The following KIF13B variants were observed in gnomAD, a reference collection of about 807,000 sequenced individuals.
KIF13B encodes kinesin-like protein KIF13B.
Under a neutral mutation model 222.0 loss-of-function variants are expected in KIF13B, and 127 were observed. The ratio of observed to expected loss-of-function variants is 0.57; its 90% CI spans 0.50 to 0.66. The LOEUF (loss-of-function observed/expected upper bound fraction) is 0.66. Among genes scored for constraint, KIF13B ranks in the 30% least tolerant of loss-of-function variants. The probability of loss-of-function intolerance (pLI) is 0.00; values close to 1 mark genes in which losing one functional copy is unlikely to be tolerated. For missense variants in KIF13B, 2,173 were observed against 2,379.0 expected, an observed-to-expected ratio of 0.91 and a Z score of 1.80; for synonymous variants, 976 against 919.0, an observed-to-expected ratio of 1.06 and a Z score of -1.12.
chr8:29,134,311 TATG>T, intron 21 of KIF13B, 101 bp from the exon 22 acceptor site: 1 of 1,069,808 alleles, frequency 9.3e-7, no homozygotes, highest in Non-Finnish European at 1.4e-6. Context: ...CTTAGGTGCT[TATG>T]ATATTTATGT....
At chr8:29,140,647 A>AG in intron 19 of KIF13B, 30 bp from the exon 20 acceptor site, 2 of 1,593,284 alleles carry the variant, frequency 1.3e-6, no homozygotes, top group South Asian at 2.3e-5. Context: ...ACACAACTTC[A>AG]GAAAAACCAT....
At chr8:29,104,443 G>A (rs1808951485) in intron 35 of KIF13B, among the ~76,000 whole-genome samples, 2 of 151,908 alleles carry the variant, frequency 1.3e-5, no homozygotes, top group Non-Finnish European at 2.9e-5. Context: ...TCCCCTAACC[G>A]GTCCCTCCAC....
At position 29,167,472 on chromosome 8, in the gene KIF13B, A is replaced by C; in HGVS notation, c.1059T>G (p.Ile353Met). The change falls in exon 11 of 40, where the codon ATT (isoleucine) becomes ATG (methionine). Residue 353 changes from isoleucine to methionine, a missense_variant. Ile to Met is a conservative substitution (Grantham distance 10). Coordinates refer to ENST00000524189, the MANE Select transcript of KIF13B (RefSeq NM_015254.4). ...CCTCATTCACCACAGCGTGGTTTACAATGTGCTTGGCTCGATCTGCATACC... is the reference window on the plus strand; with the variant it reads ...CCTCATTCACCACAGCGTGGTTTACCATGTGCTTGGCTCGATCTGCATACC... The part of the protein sequence containing the change: ...TLRYADRAKH[I>M]VNHAVVNEDP... 6.2e-7 allele frequency: 1 copy of C among 1,613,934 alleles called. No individual in the cohort carries two copies. The highest frequency in any genetic ancestry group is 8.5e-7 in the Non-Finnish European group (1 of 1,179,838).
At chr8:29,200,334 A>G (rs1284196412) in intron 2 of KIF13B, among the ~76,000 whole-genome samples, 1 of 152,234 alleles carries the variant, frequency 6.6e-6, no homozygotes, top group African/African-American at 2.4e-5. Flanking sequence ...AGAAACCTCA[A>G]CTATCCAGAT....
chr8:29,258,962 C>T (rs533680183), intron 1 of KIF13B, among the ~76,000 whole-genome samples: 2 of 152,250 alleles, frequency 1.3e-5, no homozygotes, highest in Admixed American at 6.5e-5. Context: ...CCTAAGAAAA[C>T]TTTTAGGAAG....
At chr8:29,160,391 C>T (rs1018220761) in intron 13 of KIF13B, among the ~76,000 whole-genome samples, 1 of 152,152 alleles carries the variant, frequency 6.6e-6, no homozygotes, top group African/African-American at 2.4e-5. Context: ...ATGTGCTTCA[C>T]ATAAACCATA....
Position 29,167,440 on chromosome 8 carries a change from T to C in KIF13B, c.1091A>G (p.Asn364Ser). The C allele has an allele frequency of 6.2e-7, 1 of 1,613,892 alleles. No individual in the cohort carries two copies. The highest frequency in any genetic ancestry group is 1.1e-5 in the South Asian group (1 of 91,070). ...CCGGAGATCCCGGATAATTCGGGCA[T>C]TAGGGTCCTCATTCACCACAGCGTG... is the stretch of plus-strand genomic sequence containing the variant. ...VNHAVVNEDP[N>S]ARIIRDLREE... The change falls in exon 11 of 40, where the codon AAT (asparagine) becomes AGT (serine). Residue 364 changes from asparagine (N) to serine (S), a missense_variant. By Grantham distance (46) the Asn-to-Ser change is conservative. Transcript: ENST00000524189.
At chr8:29,108,108 A>C in intron 35 of KIF13B, 31 bp downstream of exon 35, 1 of 1,580,276 alleles carries the variant, frequency 6.3e-7, no homozygotes, top group Admixed American at 1.8e-5. Context: ...ATGGGACTTA[A>C]AACACTGATA....
intron 13 of KIF13B, among the ~76,000 whole-genome samples, chr8:29,159,913 CAT>C (rs974801459): frequency 1.8e-4 from 27 of 152,362 alleles, no homozygotes; most frequent in African/African-American, 6.5e-4. Context: ...CTGTTTCCCA[CAT>C]AGTCAGCCTG....
chr8:29,250,485 C>CA (rs945309336), intron 1 of KIF13B, among the ~76,000 whole-genome samples: 72 of 152,172 alleles, frequency 4.7e-4, no homozygotes, highest in African/African-American at 1.4e-3. Context: ...CAAAATAATA[C>CA]AAAAAAATCA....
chr8:29,098,682 T>C (rs1354147373), intron 36 of KIF13B, among the ~76,000 whole-genome samples: 1 of 149,562 alleles, frequency 6.7e-6, no homozygotes, highest in African/African-American at 2.5e-5. Context: ...ATCATGTAAC[T>C]ACGGAATTTC....
chr8:29,205,363 A>G (rs1435541124), intron 2 of KIF13B, among the ~76,000 whole-genome samples: 3 of 152,214 alleles, frequency 2.0e-5, no homozygotes, highest in Non-Finnish European at 2.9e-5. Context: ...AGCAACAGGT[A>G]GATCTGAACA....
At chr8:29,075,632 C>T (rs1807522363) in intron 37 of KIF13B, among the ~76,000 whole-genome samples, 1 of 152,220 alleles carries the variant, frequency 6.6e-6, no homozygotes, top group African/African-American at 2.4e-5. Flanking sequence ...GAACCGAGGA[C>T]TGGGCCTGTA....
intron 37 of KIF13B, among the ~76,000 whole-genome samples, chr8:29,089,120 T>C (rs558374236): frequency 6.6e-5 from 10 of 152,306 alleles, no homozygotes; most frequent in Admixed American, 5.9e-4. Context: ...TGTCTACCAC[T>C]GAGTAGCACT....
chr8:29,197,269 G>A (rs973614093), intron 2 of KIF13B, among the ~76,000 whole-genome samples: 6 of 146,104 alleles, frequency 4.1e-5, no homozygotes, highest in African/African-American at 1.3e-4. Flanking sequence ...CCCGGGAGGC[G>A]GAGCTTGCAG....
Position 29,216,543 on chromosome 8 carries a change from G to A in KIF13B, c.150-20344C>T, listed in dbSNP as rs192772294. ...GAACCTGGGAGTAAAAGGTTGCAGT[G>A]AGCCGAGATCCTGCCACTGTACTCC... On this transcript the variant is annotated intron_variant, in intron 2 of 39. Transcript: ENST00000524189. 3.2e-3 allele frequency among the ~76,000 whole-genome samples: 488 copies of A among 152,124 alleles called. 3 individuals are homozygous for A. Among genetic ancestry groups the A allele is most frequent in the African/African-American group, 0.011 (469 of 41,494 alleles).
intron 36 of KIF13B, among the ~76,000 whole-genome samples, chr8:29,097,703 T>C (rs900946415): frequency 6.6e-6 from 1 of 151,934 alleles, no homozygotes; most frequent in African/African-American, 2.4e-5. Context: ...TACCAAAATA[T>C]GTGAAATGCA....
chr8:29,228,472 A>AAAAAAAAAAACAATATAT, intron 2 of KIF13B, among the ~76,000 whole-genome samples: 1 of 117,086 alleles, frequency 8.5e-6, no homozygotes, highest in African/African-American at 3.3e-5. Context: ...ATCTTAAAAA[A>AAAAAAAAAAACAATATAT]ATATATATAT....
At chr8:29,217,940 T>C (rs1418728667) in intron 2 of KIF13B, among the ~76,000 whole-genome samples, 2 of 152,224 alleles carry the variant, frequency 1.3e-5, no homozygotes, top group Admixed American at 6.5e-5. Flanking sequence ...GTGTGAGAGT[T>C]TGGTGCTTTT....
Sources: allele counts gnomAD v4.1 joint callset (sites outside exome capture counted in the v4.1 genomes callset), GRCh38; gene constraint gnomAD v4.1.1; transcripts MANE v1.5; gene names NCBI Gene and HGNC (gene_info 2026-07-23, HGNC 2026-07-21).